IGFN1: variants seen among roughly 807,000 people sequenced by gnomAD.
The protein encoded by IGFN1 is immunoglobulin like and fibronectin type III domain containing 1.
Under a neutral mutation model 289.5 loss-of-function variants are expected in IGFN1, and 253 were observed. The observed-to-expected ratio is 0.87, with a 90% CI of 0.79 to 0.97. IGFN1 has a LOEUF of 0.97. Among genes scored for constraint, IGFN1 ranks in the 50% least tolerant of loss-of-function variants. The pLI is 0.00. For synonymous variants in IGFN1, 1,706 were observed against 1,788.5 expected, an observed-to-expected ratio of 0.95 and a Z score of 1.16; for missense variants, 4,470 against 4,686.1, an observed-to-expected ratio of 0.95 and a Z score of 1.35.
intron 18 of IGFN1, among the ~76,000 whole-genome samples, chr1:201,219,944 C>T (rs75638602): frequency 2.6e-5 from 2 of 76,608 alleles, no homozygotes; most frequent in African/African-American, 3.8e-5. Flanking sequence ...TCTCTCCTTC[C>T]TTCTTTCTCT....
intron 18 of IGFN1, among the ~76,000 whole-genome samples, chr1:201,219,400 A>G (rs1653558695): frequency 6.6e-6 from 1 of 152,262 alleles, no homozygotes; most frequent in African/African-American, 2.4e-5. Context: ...GAGAGATGCC[A>G]ACAGACATTC....
chr1:201,193,135 A>C (rs1666731013), intron 1 of IGFN1, 112 bp from the exon 2 acceptor site: 1 of 610,772 alleles, frequency 1.6e-6, no homozygotes, highest in Non-Finnish European at 3.0e-6. Flanking sequence ...TCTTGGGGGC[A>C]GCAGCTTTTT....
chr1:201,197,296 G>A lies in IGFN1; in HGVS notation c.346G>A (p.Val116Met), dbSNP rs781496563. The A allele has an allele frequency of 1.9e-6, 3 of 1,551,094 alleles. No homozygotes were observed. Among genetic ancestry groups the A allele is most frequent in the South Asian group, 1.2e-5 (1 of 84,044 alleles). The part of the protein sequence containing the change: ...VNAYGEAACS[V>M]RLTVIEVGFR... ...TGCGTACGGAGAGGCCGCTTGCTCA[G>A]TGAGACTCACTGTCATCGAAGGTGG... is the stretch of plus-strand genomic sequence containing the variant. The change falls in exon 5 of 24, where the codon GTG becomes ATG. Residue 116 changes from valine to methionine, a missense_variant. By Grantham distance (21) the Val-to-Met change is conservative. Around this residue, in one of 8 missense-constraint regions of IGFN1, gnomAD observed 2,011 missense variants for 1,953.4 expected, o/e 1.03. Transcript: ENST00000335211.
chr1:201,213,643 T>C, intron 12 of IGFN1, 22 bp downstream of exon 12: 2 of 1,598,834 alleles, frequency 1.3e-6, no homozygotes, highest in Non-Finnish European at 1.7e-6. Context: ...TCTGCTGAGC[T>C]GGCTCCCATG....
Position 201,194,252 on chromosome 1 carries a change from G to A in IGFN1, c.106G>A (p.Val36Ile), listed in dbSNP as rs550131357. 3.0e-5 allele frequency: 47 copies of A among 1,551,480 alleles called. No individual in the cohort carries two copies. The highest frequency in any genetic ancestry group is 2.7e-4 in the East Asian group (11 of 40,900). ...CSTPDFEQKP[V>I]TSALPEGKNA... ...CACGCCGGACTTTGAGCAGAAGCCC[G>A]TCACCTCGGCTCTGCCAGAGGGTGA... Residue 36 changes from valine to isoleucine, a missense_variant, in exon 3 of 24, where the codon GTC (valine) becomes ATC (isoleucine). Coordinates refer to ENST00000335211, the MANE Select transcript of IGFN1 (RefSeq NM_001164586.2).
chr1:201,221,749 G>T lies in IGFN1; in HGVS notation c.10201+3G>T. ...AGTGCAAGCCATGCCTGTTACTGGT[G>T]AGTGCTGCCTCCTTCCCCGACCCCT... On this transcript the variant is annotated splice_donor_region_variant and intron_variant, in intron 19 of 23. Transcript: ENST00000335211. 1 of 1,577,244 alleles carries T rather than the reference G, an allele frequency of 6.3e-7. No individual in the cohort carries two copies. The highest frequency in any genetic ancestry group is 8.6e-7 in the Non-Finnish European group (1 of 1,158,652).
intron 11 of IGFN1, 25 bp downstream of exon 11, chr1:201,205,379 TC>T (rs1449249691): frequency 6.6e-7 from 1 of 1,505,540 alleles, no homozygotes; most frequent in South Asian, 1.3e-5. Context: ...ACTCTGTCTT[TC>T]TCTGCCTCCA....
chr1:201,221,881 T>C lies in IGFN1; in HGVS notation c.10201+135T>C, dbSNP rs2102367474. ...CAGGAAGTAACATTTATTGAGCACC[T>C]ACTAGGTGCTAGGTACTGGGCTAGG... On this transcript the variant is annotated intron_variant, in intron 19 of 23. Coordinates refer to ENST00000335211, the MANE Select transcript of IGFN1 (RefSeq NM_001164586.2). 4.3e-6 allele frequency: 3 copies of C among 696,146 alleles called. No individual in the cohort carries two copies. The East Asian group carries it at 8.4e-5, about 19-fold the overall frequency. 43.1% of individuals were successfully genotyped at this position (696,146 alleles called of 1,614,324 possible). A position where few individuals can be genotyped will look rare whatever the true frequency, so the allele number is the denominator to read the frequency against.
In IGFN1 at chr1:201,222,275, C is replaced by T. The variant is rs114663422; in HGVS notation, c.10202-464C>T. 4.5e-3 allele frequency: 708 copies of T among 158,906 alleles called. 8 individuals carry two copies. The highest frequency in any genetic ancestry group is 0.016 in the African/African-American group (670 of 41,802). The allele number at this position is 158,906 out of a possible 1,614,324, so 9.8% of individuals were successfully genotyped here. On this transcript the variant is annotated intron_variant, in intron 19 of 23. Transcript: ENST00000335211. ...TTTGACCCAAGCTGACACTGGGCCA[C>T]CCCAGCTGACCCTAGTCATCACTAT...
At position 201,209,037 on chromosome 1, in the gene IGFN1, T is replaced by C. The variant is rs968388719; in HGVS notation, c.4144T>C (p.Leu1382=). The C allele has an allele frequency of 2.6e-6, 4 of 1,535,816 alleles. No homozygotes were observed. The Admixed American group carries it at 5.9e-5, about 23-fold the overall frequency. ...SMDETDNRKD[L]GVPEGMGAGY... ...GGATGAAACAGATAATAGGAAAGATTTGGGGGTTCCTGAGGGAATGGGTGC... is the reference window on the plus strand; with the variant it reads ...GGATGAAACAGATAATAGGAAAGATCTGGGGGTTCCTGAGGGAATGGGTGC... The change falls in exon 12 of 24, where the codon TTG becomes CTG. Residue 1382 remains leucine, a synonymous_variant. Transcript: ENST00000335211.
chr1:201,221,731 G>A lies in IGFN1; in HGVS notation c.10186G>A (p.Ala3396Thr), dbSNP rs753320744. 7.5e-6 allele frequency: 12 copies of A among 1,592,168 alleles called. No homozygotes were observed. Among genetic ancestry groups the A allele is most frequent in the South Asian group, 3.4e-5 (3 of 87,554 alleles). Residue 3396 changes from alanine (A) to threonine (T), a missense_variant, in exon 19 of 24, where the codon GCC becomes ACC. This residue lies in a region of IGFN1 where 2,218 missense variants were observed against 2,114.1 expected (regional missense o/e 1.05). Transcript: ENST00000335211. ...CAGTGCCCTGGACACATTAGTGCAA[G>A]CCATGCCTGTTACTGGTGAGTGCTG... ...QPSALDTLVQAMPVTVCPKFL... is the reference protein window; with the variant it reads ...QPSALDTLVQTMPVTVCPKFL...
chr1:201,207,030 G>T lies in IGFN1; in HGVS notation c.2137G>T (p.Gly713Trp). 6.5e-7 allele frequency: 1 copy of T among 1,536,852 alleles called. No homozygotes were observed. Among genetic ancestry groups the T allele is most frequent in the Non-Finnish European group, 8.7e-7 (1 of 1,146,820 alleles). ...CTATGGGGAAGCCAGGGGCTACTGGGGGTCAGGAGAGTTGCTAGAACAGAT... is the reference window on the plus strand; with the variant it reads ...CTATGGGGAAGCCAGGGGCTACTGGTGGTCAGGAGAGTTGCTAGAACAGAT... ...ADYGEARGYW[G>W]SGELLEQIPG... Residue 713 changes from glycine to tryptophan, a missense_variant, in exon 12 of 24, where the codon GGG (glycine) becomes TGG (tryptophan). By Grantham distance (184) the Gly-to-Trp change is radical. This residue lies in a region of IGFN1 where 2,011 missense variants were observed against 1,953.4 expected (regional missense o/e 1.03). Transcript: ENST00000335211.
chr1:201,215,988 G>C (rs1020018511), intron 15 of IGFN1, 150 bp downstream of exon 15: 3 of 814,502 alleles, frequency 3.7e-6, no homozygotes, highest in Non-Finnish European at 6.3e-6. Context: ...CACTAACTCT[G>C]CTCAGACTGC....
In IGFN1 at chr1:201,200,249, C is replaced by A. The variant is rs1280913068; in HGVS notation, c.471C>A (p.Ala157=). Residue 157 remains alanine (A), a synonymous_variant, in exon 8 of 24, where the codon GCC becomes GCA. Transcript: ENST00000335211. ...RKLLKKRAPP[A]PKKKMDLEQI... ...CCTTGCTCCCCAGGGCCCCACCAGCCCCCAAGAAAAAGATGGACCTTGAGC... is the reference window on the plus strand; with the variant it reads ...CCTTGCTCCCCAGGGCCCCACCAGCACCCAAGAAAAAGATGGACCTTGAGC... 1 of 1,551,652 alleles carries A rather than the reference C, an allele frequency of 6.4e-7. No individual in the cohort carries two copies. Among genetic ancestry groups the A allele is most frequent in the Admixed American group, 2.0e-5 (1 of 50,998 alleles).
At chr1:201,224,646 C>T (rs756430485) in intron 20 of IGFN1, 33 bp from the exon 21 acceptor site, 33 of 1,595,340 alleles carry the variant, frequency 2.1e-5, no homozygotes, top group Admixed American at 3.4e-5. Context: ...GCCAGCTTCC[C>T]CTTCTCAACT....
Position 201,200,419 on chromosome 1 carries a change from A to C in IGFN1, c.633+8A>C. 4.5e-6 allele frequency: 7 copies of C among 1,549,324 alleles called. No homozygotes were observed. The Admixed American group carries it at 5.9e-5, about 13-fold the overall frequency. On this transcript the variant is annotated splice_region_variant and intron_variant, in intron 8 of 23. Coordinates refer to ENST00000335211, the MANE Select transcript of IGFN1 (RefSeq NM_001164586.2). The stretch of plus-strand genomic sequence containing the variant: ...GAGGACAAGATGGCACAGGTGCCTC[A>C]CCCCATTCCCACCCCTCACTCCATG...
Position 201,195,897 on chromosome 1 carries a change from G to A in IGFN1, c.186G>A (p.Trp62Ter). The A allele has an allele frequency of 5.8e-6, 9 of 1,551,694 alleles. No individual in the cohort carries two copies. Among genetic ancestry groups the A allele is most frequent in the Non-Finnish European group, 7.8e-6 (9 of 1,146,982 alleles). The change falls in exon 4 of 24, where the codon TGG (tryptophan) becomes TGA (stop). Residue 62 changes from tryptophan (W) to a stop codon, truncating the protein, a stop_gained. Coordinates refer to ENST00000335211, the MANE Select transcript of IGFN1 (RefSeq NM_001164586.2). LOFTEE classifies it high-confidence loss of function. ...VCGEPRPEVR[W>*]QNSKGDLSDS... Reference sequence around the variant, plus strand: ...GGGAGCCCAGGCCCGAGGTGCGTTGGCAGAACTCCAAAGGTGACCTCAGTG... The same window carrying A: ...GGGAGCCCAGGCCCGAGGTGCGTTGACAGAACTCCAAAGGTGACCTCAGTG...
At chr1:201,221,337 T>TA in intron 18 of IGFN1, 107 bp from the exon 19 acceptor site, 1 of 872,800 alleles carries the variant, frequency 1.1e-6, no homozygotes, top group Non-Finnish European at 1.7e-6. Flanking sequence ...GCAGAATTGC[T>TA]AAGTGAAAAC....
rs1231320187 is a variant in IGFN1 at position 201,216,723 on chromosome 1, G to GA, written c.9566dup (p.Ser3190ValfsTer2). ...CTCAGAGGGGGCTGGCGAGGCCCTG[G>GA]AGTCTGAGGAGATATTGGTGGCTCC... On this transcript the variant is annotated frameshift_variant, in exon 16 of 24. Coordinates refer to ENST00000335211, the MANE Select transcript of IGFN1 (RefSeq NM_001164586.2). LOFTEE classifies it high-confidence loss of function. 1 of 1,611,524 alleles carries GA rather than the reference G, an allele frequency of 6.2e-7. No homozygotes were observed. Among genetic ancestry groups the GA allele is most frequent in the Non-Finnish European group, 8.5e-7 (1 of 1,178,634 alleles).
Sources: gnomAD v4.1 joint callset for allele counts (sites outside exome capture counted in the v4.1 genomes callset) on GRCh38, gnomAD v4.1.1 for gene constraint, gnomAD v4.1.1 regional missense constraint, MANE v1.5 for transcripts, NCBI Gene and HGNC (gene_info 2026-07-23, HGNC 2026-07-21) for gene names.